MAP4K3: variants seen among roughly 807,000 people sequenced by gnomAD.
MAP4K3 encodes the protein MAPK/ERK kinase kinase kinase 3.
In MAP4K3, 94 loss-of-function variants were observed where a neutral mutation model predicts 143.5. That is an observed-to-expected ratio of 0.65 (90% CI 0.55 to 0.78). The LOEUF is 0.78. MAP4K3 is among the 30% of genes least tolerant of loss of function. The pLI is 0.00. For synonymous variants in MAP4K3, 416 were observed against 347.2 expected, an observed-to-expected ratio of 1.20 and a Z score of -2.20; for missense variants, 1,077 against 1,068.1, an observed-to-expected ratio of 1.01 and a Z score of -0.12.
At chr2:39,275,976 G>C (rs944200483) in intron 24 of MAP4K3, among the ~76,000 whole-genome samples, 1 of 152,116 alleles carries the variant, frequency 6.6e-6, no homozygotes, top group Non-Finnish European at 1.5e-5. Flanking sequence ...GGGTTTAAGT[G>C]ATTCTCCTGT....
chr2:39,314,031 T>C (rs1683032675), intron 13 of MAP4K3, among the ~76,000 whole-genome samples: 1 of 152,224 alleles, frequency 6.6e-6, no homozygotes, highest in Non-Finnish European at 1.5e-5. Flanking sequence ...AAGTCACCTC[T>C]AATTACTTTT....
At chr2:39,371,260 G>C (rs116825095) in intron 2 of MAP4K3, among the ~76,000 whole-genome samples, 5 of 152,282 alleles carry the variant, frequency 3.3e-5, no homozygotes, top group Non-Finnish European at 7.4e-5. Flanking sequence ...GATAGGCTTA[G>C]AGCAAAGGAG....
intron 3 of MAP4K3, among the ~76,000 whole-genome samples, chr2:39,343,796 A>T (rs569215001): frequency 6.6e-6 from 1 of 152,174 alleles, no homozygotes; most frequent in Admixed American, 6.5e-5. Context: ...AATAAATCTC[A>T]AAGTATACTA....
intron 15 of MAP4K3, among the ~76,000 whole-genome samples, chr2:39,300,019 T>C (rs1682444845): frequency 1.3e-5 from 2 of 152,144 alleles, no homozygotes; most frequent in Admixed American, 1.3e-4. Context: ...TTCTGAATAA[T>C]ATATGCAAAG....
chr2:39,338,682 A>T (rs1665053247), intron 4 of MAP4K3, among the ~76,000 whole-genome samples: 1 of 152,198 alleles, frequency 6.6e-6, no homozygotes, highest in South Asian at 2.1e-4. Flanking sequence ...TCACGTTGAA[A>T]CTTAATCTCA....
At chr2:39,333,237 T>C (rs1219362598) in intron 7 of MAP4K3, among the ~76,000 whole-genome samples, 1 of 152,146 alleles carries the variant, frequency 6.6e-6, no homozygotes, top group Non-Finnish European at 1.5e-5. Flanking sequence ...GGTAATTCTG[T>C]ACAGATTTCT....
At chr2:39,390,503 A>T (rs1164381238) in intron 1 of MAP4K3, among the ~76,000 whole-genome samples, 1 of 152,192 alleles carries the variant, frequency 6.6e-6, no homozygotes, top group Non-Finnish European at 1.5e-5. Flanking sequence ...TTCAATCAAT[A>T]GCCTATCACT....
intron 2 of MAP4K3, among the ~76,000 whole-genome samples, chr2:39,363,594 A>C (rs1438808018): frequency 7.1e-6 from 1 of 141,634 alleles, no homozygotes; most frequent in Non-Finnish European, 1.5e-5. Flanking sequence ...GCTTGAACCC[A>C]GGAGGTGGAG....
chr2:39,407,439 C>T (rs1475168367), intron 1 of MAP4K3, among the ~76,000 whole-genome samples: 1 of 152,022 alleles, frequency 6.6e-6, no homozygotes, highest in Non-Finnish European at 1.5e-5. Context: ...TTAAAAACGT[C>T]AAGAAAACAG....
intron 1 of MAP4K3, among the ~76,000 whole-genome samples, chr2:39,411,229 T>A (rs1219617440): frequency 6.6e-6 from 1 of 152,204 alleles, no homozygotes; most frequent in Non-Finnish European, 1.5e-5. Flanking sequence ...AATCCAATTT[T>A]AAAGCAGAGT....
chr2:39,424,884 A>C (rs532052913), intron 1 of MAP4K3, among the ~76,000 whole-genome samples: 16 of 152,124 alleles, frequency 1.1e-4, no homozygotes, highest in Middle Eastern at 3.4e-3. Flanking sequence ...GGATAACAAC[A>C]AAGTCTGTGT....
intron 8 of MAP4K3, among the ~76,000 whole-genome samples, chr2:39,330,223 A>G (rs1295290991): frequency 6.6e-6 from 1 of 152,194 alleles, no homozygotes; most frequent in Admixed American, 6.5e-5. Flanking sequence ...TTTGAGGTAT[A>G]TAATTATGGA....
intron 3 of MAP4K3, among the ~76,000 whole-genome samples, chr2:39,354,644 A>G (rs1665555011): frequency 6.6e-6 from 1 of 151,704 alleles, no homozygotes; most frequent in Non-Finnish European, 1.5e-5. Context: ...CCTGGGCAAC[A>G]GAGTGAGACT....
chr2:39,347,538 T>A (rs1172817635), intron 3 of MAP4K3, among the ~76,000 whole-genome samples: 1 of 152,150 alleles, frequency 6.6e-6, no homozygotes, highest in African/African-American at 2.4e-5. Flanking sequence ...TATAGCACAA[T>A]AAATGTAAGT....
At chr2:39,287,278 T>G (rs1391134674) in intron 20 of MAP4K3, among the ~76,000 whole-genome samples, 1 of 143,268 alleles carries the variant, frequency 7.0e-6, no homozygotes, top group Non-Finnish European at 1.5e-5. Context: ...TATTATGTCA[T>G]CCAAGAAACT....
At chr2:39,276,893 G>A (rs1185018907) in intron 24 of MAP4K3, among the ~76,000 whole-genome samples, 1 of 152,190 alleles carries the variant, frequency 6.6e-6, no homozygotes, top group Non-Finnish European at 1.5e-5. Flanking sequence ...AGGTTCTTTT[G>A]GAGATGATAA....
chr2:39,413,040 C>T (rs1158980261), intron 1 of MAP4K3, among the ~76,000 whole-genome samples: 1 of 152,076 alleles, frequency 6.6e-6, no homozygotes, highest in South Asian at 2.1e-4. Context: ...AAGTGACTAA[C>T]GAGGAGAAAC....
intron 1 of MAP4K3, among the ~76,000 whole-genome samples, chr2:39,413,514 AAGACAGCC>A (rs1310892778): frequency 6.6e-6 from 1 of 152,176 alleles, no homozygotes; most frequent in Admixed American, 6.5e-5. Context: ...TATGAAACCA[AAGACAGCC>A]AAAAATGGGT....
At chr2:39,427,113 T>C (rs1306826598) in intron 1 of MAP4K3, among the ~76,000 whole-genome samples, 2 of 151,884 alleles carry the variant, frequency 1.3e-5, no homozygotes, top group South Asian at 2.1e-4. Context: ...CAACAATAAT[T>C]ATATTGACAA....
Sources: allele counts gnomAD v4.1 joint callset (sites outside exome capture counted in the v4.1 genomes callset), GRCh38; gene constraint gnomAD v4.1.1; transcripts MANE v1.5; gene names NCBI Gene and HGNC (gene_info 2026-07-23, HGNC 2026-07-21).